MEGF9: variants seen among roughly 807,000 people sequenced by gnomAD.
The protein encoded by MEGF9 is multiple epidermal growth factor-like domains protein 9.
Under a neutral mutation model 46.8 loss-of-function variants are expected in MEGF9, and 6 were observed. The observed-to-expected ratio is 0.13, with a 90% CI of 0.07 to 0.25. MEGF9 has a LOEUF of 0.25. MEGF9 is among the 10% of genes least tolerant of loss of function. MEGF9 has a pLI of 1.00. For synonymous variants in MEGF9, 302 were observed against 330.7 expected (o/e 0.91, Z 0.94); for missense variants, 683 against 792.4 (o/e 0.86, Z 1.66).
At chr9:120,683,415 A>G (rs1235221225) in intron 1 of MEGF9, among the ~76,000 whole-genome samples, 1 of 152,160 alleles carries the variant, frequency 6.6e-6, no homozygotes, top group Non-Finnish European at 1.5e-5. Flanking sequence ...ATGGGAGGTG[A>G]TTGGATCACA....
At position 120,639,366 on chromosome 9, in the gene MEGF9, G is replaced by A. The variant is rs77657065; in HGVS notation, c.804-16611C>T. On this transcript the variant is annotated intron_variant, in intron 2 of 5. Coordinates refer to ENST00000373930, the MANE Select transcript of MEGF9 (RefSeq NM_001080497.3). ...TCCACTAAAAATACCAAAATGAGCC[G>A]GGCATGGCGGCATGCGCTTGTAATC... Among the ~76,000 whole-genome samples, 21 of 151,918 alleles carry A rather than the reference G, an allele frequency of 1.4e-4. No individual in the cohort carries two copies. The East Asian group carries it at 2.5e-3, about 18-fold the overall frequency.
intron 1 of MEGF9, among the ~76,000 whole-genome samples, chr9:120,699,437 G>A (rs991904917): frequency 2.0e-5 from 3 of 151,886 alleles, no homozygotes; most frequent in Non-Finnish European, 2.9e-5. Context: ...AAAAAAACTG[G>A]CCAGGTGCAG....
At position 120,695,603 on chromosome 9, in the gene MEGF9, C is replaced by CAAAAAAAAAAAAAAAA. The variant is rs370281228; in HGVS notation, c.601+18139_601+18154dup. Among the ~76,000 whole-genome samples, 10 of 18,688 alleles carry CAAAAAAAAAAAAAAAA rather than the reference C, an allele frequency of 5.4e-4. 2 individuals carry two copies. The highest frequency in any genetic ancestry group is 1.1e-3 in the African/African-American group (9 of 8,268). The allele number at this position is 18,688 out of a possible 152,430, so 12.3% of individuals were successfully genotyped here. ...TGGGTGACAGTGTGAGACCCCATCT[C>CAAAAAAAAAAAAAAAA]AAAAAAAAAAAAAAAAAAAAAAAAA... On this transcript the variant is annotated intron_variant, in intron 1 of 5. Transcript: ENST00000373930.
chr9:120,686,024 C>T (rs1219068022), intron 1 of MEGF9, among the ~76,000 whole-genome samples: 1 of 150,690 alleles, frequency 6.6e-6, no homozygotes, highest in East Asian at 1.9e-4. Flanking sequence ...GTCAAATTCA[C>T]AGAAACAGAT....
chr9:120,665,648 A>T (rs894774937), intron 1 of MEGF9, among the ~76,000 whole-genome samples: 8 of 152,106 alleles, frequency 5.3e-5, no homozygotes, highest in African/African-American at 1.9e-4. Context: ...GCAGGATTTC[A>T]TTATTTTTCA....
intron 5 of MEGF9, among the ~76,000 whole-genome samples, chr9:120,606,027 C>T (rs949857735): frequency 3.4e-4 from 52 of 152,146 alleles, no homozygotes; most frequent in African/African-American, 1.2e-3. Flanking sequence ...AAAAAATTAG[C>T]TGGGCGTGGT....
intron 3 of MEGF9, among the ~76,000 whole-genome samples, chr9:120,613,556 T>A (rs1428075752): frequency 1.3e-5 from 2 of 151,490 alleles, no homozygotes; most frequent in Non-Finnish European, 2.9e-5. Context: ...TTTAAAAATT[T>A]AAAGTAAAAA....
Position 120,714,233 on chromosome 9 carries a change from G to A in MEGF9, c.126C>T (p.Thr42=), listed in dbSNP as rs2043967964. 20 of 1,238,066 alleles carry A rather than the reference G, an allele frequency of 1.6e-5. No individual in the cohort carries two copies. In the South Asian group the frequency reaches 7.2e-4, roughly 45 times the overall value. The allele number at this position is 1,238,066 out of a possible 1,614,324, so 76.7% of individuals were successfully genotyped here. ...VASAASAGNV[T]GGGGAAGQVD... is the part of the protein sequence containing the mutation. ...CCTGCCCCGCGGCCCCGCCGCCACCGGTGACATTCCCCGCCGAGGCGGCTG... is the reference window on the plus strand; with the variant it reads ...CCTGCCCCGCGGCCCCGCCGCCACCAGTGACATTCCCCGCCGAGGCGGCTG... Residue 42 remains threonine, a synonymous_variant, in exon 1 of 6, where the codon ACC becomes ACT. Transcript: ENST00000373930.
intron 2 of MEGF9, among the ~76,000 whole-genome samples, chr9:120,651,481 T>A (rs80150633): frequency 0.015 from 2,281 of 151,756 alleles, 57 homozygotes; most frequent in African/African-American, 0.052. Flanking sequence ...TAACTTGCAT[T>A]TTTTTTCCTG....
intron 1 of MEGF9, among the ~76,000 whole-genome samples, chr9:120,693,275 C>CAAAAAAAAAAAAAAAAAAAAAAAA (rs10633158): frequency 1.9e-5 from 2 of 104,484 alleles, no homozygotes; most frequent in South Asian, 3.4e-4. Flanking sequence ...TCTGGTTAAC[C>CAAAAAAAAAAAAAAAAAAAAAAAA]AAAAAAAAAA....
chr9:120,676,444 CA>C (rs142699027), intron 1 of MEGF9, among the ~76,000 whole-genome samples: 2,385 of 152,168 alleles, frequency 0.016, 55 homozygotes, highest in African/African-American at 0.054. Flanking sequence ...GTAGTGGTTA[CA>C]ACTGTGATTT....
rs914068952 is a variant in MEGF9 at position 120,605,537 on chromosome 9, T to C, written c.1462A>G (p.Thr488Ala). 6.2e-7 allele frequency: 1 copy of C among 1,613,212 alleles called. No homozygotes were observed. Among genetic ancestry groups the C allele is most frequent in the Non-Finnish European group, 8.5e-7 (1 of 1,179,498 alleles). ...PVINSTFTPT[T>A]LQTIFSVSTS... ...CTTACTGAAAAGATAGTCTGCAGGG[T>C]TGTAGGGGTAAAAGTACTATTTATA... Residue 488 changes from threonine to alanine, a missense_variant, in exon 6 of 6, where the codon ACC becomes GCC. Physicochemically the swap from Thr to Ala is moderately conservative, Grantham distance 58. Coordinates refer to ENST00000373930, the MANE Select transcript of MEGF9 (RefSeq NM_001080497.3). The surrounding 1 kb of genome is among the most constrained non-coding windows in gnomAD (Gnocchi z 4.0).
In MEGF9 at chr9:120,659,438, T is replaced by A; in HGVS notation, c.739A>T (p.Thr247Ser). 1 of 1,613,594 alleles carries A rather than the reference T, an allele frequency of 6.2e-7. No individual in the cohort carries two copies. Among genetic ancestry groups the A allele is most frequent in the Non-Finnish European group, 8.5e-7 (1 of 1,179,808 alleles). ...TCACATGGCTGACAGAGCCCAGAAGTGTAATTTAGGTAAAAGCCCTCTTTG... is the reference window on the plus strand; with the variant it reads ...TCACATGGCTGACAGAGCCCAGAAGAGTAATTTAGGTAAAAGCCCTCTTTG... ...TCKEGFYLNYTSGLCQPCDCS... is the reference protein window; with the variant it reads ...TCKEGFYLNYSSGLCQPCDCS... The change falls in exon 2 of 6, where the codon ACT becomes TCT. Residue 247 changes from threonine (T) to serine (S), a missense_variant. Thr to Ser is a moderately conservative substitution (Grantham distance 58, BLOSUM62 1). Transcript: ENST00000373930.
chr9:120,714,375 T>C lies in MEGF9; in HGVS notation c.-17A>G. Reference sequence around the variant, plus strand: ...GCCATTCATTCATTCAGCCAGTCGGTTGGTCAGTCATCTTCTCCTCGTTGC... The same window carrying C: ...GCCATTCATTCATTCAGCCAGTCGGCTGGTCAGTCATCTTCTCCTCGTTGC... On this transcript the variant is annotated 5_prime_UTR_variant, in exon 1 of 6. Coordinates refer to ENST00000373930, the MANE Select transcript of MEGF9 (RefSeq NM_001080497.3). 1.6e-6 allele frequency: 2 copies of C among 1,286,806 alleles called. No homozygotes were observed. The highest frequency in any genetic ancestry group is 7.2e-5 in the East Asian group (2 of 27,678). 79.7% of individuals were successfully genotyped at this position (1,286,806 alleles called of 1,614,324 possible). A position where few individuals can be genotyped will look rare whatever the true frequency, so the allele number is the denominator to read the frequency against.
intron 1 of MEGF9, among the ~76,000 whole-genome samples, chr9:120,688,086 G>A (rs2043831458): frequency 6.7e-6 from 1 of 150,360 alleles, no homozygotes; most frequent in Admixed American, 6.6e-5. Context: ...AAAAGAACAA[G>A]TTTTGCATCT....
intron 1 of MEGF9, among the ~76,000 whole-genome samples, chr9:120,675,910 AC>A (rs1417635451): frequency 3.4e-4 from 51 of 150,158 alleles, no homozygotes; most frequent in Middle Eastern, 3.4e-3. Flanking sequence ...AAAAAAAAAA[AC>A]AACCTATTCT....
At chr9:120,636,441 A>G (rs1000833376) in intron 2 of MEGF9, among the ~76,000 whole-genome samples, 3 of 152,234 alleles carry the variant, frequency 2.0e-5, no homozygotes, top group African/African-American at 7.2e-5. Flanking sequence ...CACATTTGTG[A>G]CAGTGGTGGC....
intron 1 of MEGF9, among the ~76,000 whole-genome samples, chr9:120,700,949 A>T (rs958277587): frequency 6.6e-5 from 10 of 151,004 alleles, no homozygotes; most frequent in Admixed American, 4.0e-4. Context: ...TAATTAATTT[A>T]AAAAATTAGT....
intron 3 of MEGF9, among the ~76,000 whole-genome samples, chr9:120,618,879 CAG>C: frequency 6.9e-6 from 1 of 145,030 alleles, no homozygotes; most frequent in Non-Finnish European, 1.5e-5. Flanking sequence ...AGCCTGGTGA[CAG>C]AGCAAGACTC....
Sources: gnomAD v4.1 joint callset for allele counts (sites outside exome capture counted in the v4.1 genomes callset) on GRCh38, gnomAD v4.1.1 for gene constraint, Gnocchi (gnomAD v3.1) non-coding constraint, MANE v1.5 for transcripts, NCBI Gene and HGNC (gene_info 2026-07-23, HGNC 2026-07-21) for gene names.